The following EDN1 variants were observed in gnomAD, a reference collection of about 807,000 sequenced individuals.
The protein encoded by EDN1 is endothelin 1.
EDN1 carries 11 observed loss-of-function variants against 21.7 expected under a neutral mutation model. The observed-to-expected ratio is 0.51, with a 90% CI of 0.32 to 0.84. EDN1 has a LOEUF of 0.84. EDN1 is among the 40% of genes least tolerant of loss of function. The pLI is 0.03. For synonymous variants in EDN1, 85 were observed against 90.6 expected, an observed-to-expected ratio of 0.94 and a Z score of 0.35; for missense variants, 244 against 262.3, an observed-to-expected ratio of 0.93 and a Z score of 0.48.
the EDN1 span, among the ~76,000 whole-genome samples, chr6:12,246,105 A>G: frequency 6.6e-6 from 1 of 152,168 alleles, no homozygotes; most frequent in African/African-American, 2.4e-5. Flanking sequence ...TCCTACTCAT[A>G]TGGCTCTTGA....
chr6:12,241,807 T>C, the EDN1 span, among the ~76,000 whole-genome samples: 1 of 152,222 alleles, frequency 6.6e-6, no homozygotes, highest in African/African-American at 2.4e-5. Context: ...AGGTGGTTTA[T>C]CTTCAGTAAC....
At chr6:12,294,778 C>T (rs1029105415) in intron 4 of EDN1, among the ~76,000 whole-genome samples, 12 of 151,944 alleles carry the variant, frequency 7.9e-5, no homozygotes, top group African/African-American at 1.7e-4. Flanking sequence ...TTTTGGGGAG[C>T]GGACATTTAG....
chr6:12,279,923 A>C, the EDN1 span, among the ~76,000 whole-genome samples: 1 of 152,234 alleles, frequency 6.6e-6, no homozygotes, highest in Admixed American at 6.5e-5. Flanking sequence ...TGGGAAGCTA[A>C]AAATTGAAAC....
At chr6:12,258,461 A>G in the EDN1 span, among the ~76,000 whole-genome samples, 2 of 150,992 alleles carry the variant, frequency 1.3e-5, no homozygotes, top group Non-Finnish European at 3.0e-5. Flanking sequence ...AAAAAAAAAA[A>G]AAAAAAAAAA....
the EDN1 span, among the ~76,000 whole-genome samples, chr6:12,244,109 C>A: frequency 1.3e-5 from 2 of 151,808 alleles, no homozygotes; most frequent in Admixed American, 1.3e-4. Context: ...TTTACTATAT[C>A]AAAGAATATA....
chr6:12,292,459 A>C lies in EDN1; in HGVS notation c.183A>C (p.Lys61Asn). Residue 61 changes from lysine (K) to asparagine (N), a missense_variant, in exon 2 of 5, where the codon AAA becomes AAC. Physicochemically the swap from Lys to Asn is moderately conservative, Grantham distance 94. Transcript: ENST00000379375. ...KRCSCSSLMD[K>N]ECVYFCHLDI... ...GCTCCTGCTCGTCCCTGATGGATAAAGAGTGTGTCTACTTCTGCCACCTGG... is the reference window on the plus strand; with the variant it reads ...GCTCCTGCTCGTCCCTGATGGATAACGAGTGTGTCTACTTCTGCCACCTGG... 6.2e-7 allele frequency: 1 copy of C among 1,614,248 alleles called. No individual in the cohort carries two copies. Among genetic ancestry groups the C allele is most frequent in the Non-Finnish European group, 8.5e-7 (1 of 1,180,056 alleles).
At chr6:12,282,106 A>G in the EDN1 span, among the ~76,000 whole-genome samples, 4 of 152,224 alleles carry the variant, frequency 2.6e-5, no homozygotes, top group South Asian at 2.1e-4. Flanking sequence ...TTGAGTTTCT[A>G]TGCATGTTAG....
the EDN1 span, among the ~76,000 whole-genome samples, chr6:12,277,726 A>G: frequency 6.6e-6 from 1 of 152,218 alleles, no homozygotes; most frequent in African/African-American, 2.4e-5. Flanking sequence ...GGACCAGTAC[A>G]AGAGGTTGGA....
chr6:12,274,305 A>C, the EDN1 span, among the ~76,000 whole-genome samples: 1 of 152,208 alleles, frequency 6.6e-6, no homozygotes, highest in Non-Finnish European at 1.5e-5. Flanking sequence ...ATAAAATGCT[A>C]TTTCACTTTC....
At chr6:12,235,790 G>A in the EDN1 span, among the ~76,000 whole-genome samples, 2 of 152,186 alleles carry the variant, frequency 1.3e-5, no homozygotes, top group East Asian at 3.8e-4. Flanking sequence ...AGTAAGACTG[G>A]ACCAAGTGTT....
At chr6:12,242,100 A>T in the EDN1 span, among the ~76,000 whole-genome samples, 1 of 152,206 alleles carries the variant, frequency 6.6e-6, no homozygotes, top group East Asian at 1.9e-4. Flanking sequence ...CTTTGCTGCA[A>T]AGCTGTTTCA....
rs533813384 is a variant in EDN1, at chr6:12,292,341, C to A, written c.65C>A (p.Ala22Glu). The A allele has an allele frequency of 1.1e-5, 17 of 1,613,980 alleles. No individual in the cohort carries two copies. The highest frequency in any genetic ancestry group is 8.8e-5 in the South Asian group (8 of 91,086). Residue 22 changes from alanine (A) to glutamate (E), a missense_variant and splice_region_variant, in exon 2 of 5, where the codon GCA (alanine) becomes GAA (glutamate). Ala to Glu is a moderately radical substitution (Grantham distance 107). Transcript: ENST00000379375. Reference protein sequence around the residue: ...FVACQGAPETAVLGAELSAVG... With the variant: ...FVACQGAPETEVLGAELSAVG... ...ACTGACCTGCTCTTTCTCTCCCCAG[C>A]AGTCTTAGGCGCTGAGCTCAGCGCG... is the stretch of plus-strand genomic sequence containing the variant.
the EDN1 span, among the ~76,000 whole-genome samples, chr6:12,275,264 A>T: frequency 9.9e-5 from 15 of 152,138 alleles, no homozygotes; most frequent in Non-Finnish European, 1.6e-4. Context: ...CTTGTGTCAC[A>T]TGGACAGACA....
chr6:12,251,312 A>C, the EDN1 span, among the ~76,000 whole-genome samples: 1 of 152,340 alleles, frequency 6.6e-6, no homozygotes, highest in South Asian at 2.1e-4. Context: ...GCAATAAGTG[A>C]CATAGATCTT....
chr6:12,255,383 C>A, the EDN1 span, among the ~76,000 whole-genome samples: 2 of 152,112 alleles, frequency 1.3e-5, no homozygotes, highest in African/African-American at 2.4e-5. Flanking sequence ...CATTTCAATG[C>A]CATTTGGAAT....
the EDN1 span, among the ~76,000 whole-genome samples, chr6:12,239,196 T>C: frequency 6.6e-6 from 1 of 152,204 alleles, no homozygotes; most frequent in African/African-American, 2.4e-5. Context: ...GAATGTTGCC[T>C]CAATCATTCG....
the EDN1 span, among the ~76,000 whole-genome samples, chr6:12,248,650 T>C: frequency 2.1e-5 from 3 of 140,772 alleles, no homozygotes; most frequent in African/African-American, 7.3e-5. Context: ...ATAATTTTGA[T>C]ACATTACACT....
At chr6:12,278,617 C>T in the EDN1 span, among the ~76,000 whole-genome samples, 2 of 152,172 alleles carry the variant, frequency 1.3e-5, no homozygotes, top group African/African-American at 2.4e-5. Flanking sequence ...TTGGGCCAGG[C>T]ATGGTGGCTC....
chr6:12,252,580 G>A, the EDN1 span, among the ~76,000 whole-genome samples: 28 of 152,282 alleles, frequency 1.8e-4, no homozygotes, highest in Admixed American at 1.3e-3. Flanking sequence ...GCATGTTCAC[G>A]TTGGCTCTCC....
Sources: allele counts gnomAD v4.1 joint callset (sites outside exome capture counted in the v4.1 genomes callset), GRCh38; gene constraint gnomAD v4.1.1; transcripts MANE v1.5; gene names NCBI Gene and HGNC (gene_info 2026-07-23, HGNC 2026-07-21).